The following UNC5D variants were observed in gnomAD, a reference collection of about 807,000 sequenced individuals.
UNC5D encodes the protein unc-5 netrin receptor D, also known as netrin receptor UNC5D.
In UNC5D, 39 loss-of-function variants were observed where a neutral mutation model predicts 105.4. The observed-to-expected ratio is 0.37, with a 90% CI of 0.29 to 0.48. The LOEUF (loss-of-function observed/expected upper bound fraction) is 0.48. Among genes scored for constraint, UNC5D ranks in the 20% least tolerant of loss-of-function variants. The probability of loss-of-function intolerance (pLI) is 0.98; values close to 1 mark genes in which losing one functional copy is unlikely to be tolerated. For missense variants in UNC5D, 991 were observed against 1,202.4 expected, an observed-to-expected ratio of 0.82 and a Z score of 2.60; for synonymous variants, 452 against 450.4, an observed-to-expected ratio of 1.00 and a Z score of -0.04.
intron 1 of UNC5D, among the ~76,000 whole-genome samples, chr8:35,386,638 C>A (rs1803417494): frequency 1.3e-5 from 2 of 152,262 alleles, no homozygotes; most frequent in East Asian, 1.9e-4. Context: ...TGTTTGGGTT[C>A]CCCCACTTAT....
chr8:35,676,394 G>A (rs1459031283), intron 4 of UNC5D, among the ~76,000 whole-genome samples: 1 of 152,126 alleles, frequency 6.6e-6, no homozygotes, highest in African/African-American at 2.4e-5. Flanking sequence ...TTGTTCATCC[G>A]AGGGGTGAAT....
intron 16 of UNC5D, among the ~76,000 whole-genome samples, chr8:35,783,699 G>C (rs1802611625): frequency 6.6e-6 from 1 of 152,100 alleles, no homozygotes; most frequent in Admixed American, 6.6e-5. Flanking sequence ...ATTTGCATTT[G>C]AATACTCAGG....
chr8:35,673,978 G>A (rs1563654017), intron 4 of UNC5D, among the ~76,000 whole-genome samples: 1 of 152,130 alleles, frequency 6.6e-6, no homozygotes, highest in Non-Finnish European at 1.5e-5. Flanking sequence ...GCTTGACTTG[G>A]CATGACCTAT....
chr8:35,756,551 T>TAA (rs560731427), intron 13 of UNC5D, among the ~76,000 whole-genome samples: 5 of 122,984 alleles, frequency 4.1e-5, no homozygotes, highest in African/African-American at 5.9e-5. Flanking sequence ...CATGAGTCTT[T>TAA]AAAAAAAAAA....
At position 35,794,949 on chromosome 8, in the gene UNC5D, A is replaced by C. The variant is rs1389874077; in HGVS notation, c.*4386A>C. On this transcript the variant is annotated 3_prime_UTR_variant, in exon 17 of 17. Transcript: ENST00000404895. The stretch of plus-strand genomic sequence containing the variant: ...ATCTGAAGTAGGAAATTTAACTGAC[A>C]TAGAATAATTGTGGTTTTTGAAGCA... The C allele has an allele frequency of 6.6e-6, 1 of 152,194 alleles. No homozygotes were observed. The highest frequency in any genetic ancestry group is 1.5e-5 in the Non-Finnish European group (1 of 68,042). 9.4% of individuals were successfully genotyped at this position (152,194 alleles called of 1,614,324 possible).
chr8:35,504,318 C>A (rs1812171898), intron 1 of UNC5D, among the ~76,000 whole-genome samples: 1 of 152,164 alleles, frequency 6.6e-6, no homozygotes, highest in South Asian at 2.1e-4. Flanking sequence ...AGCCTCATAG[C>A]TATGTGAGGC....
chr8:35,652,403 A>G lies in UNC5D; in HGVS notation c.571-31144A>G, dbSNP rs187934905. Among the ~76,000 whole-genome samples the G allele has an allele frequency of 2.3e-3, 345 of 152,280 alleles. 3 individuals carry two copies. Among genetic ancestry groups the G allele is most frequent in the African/African-American group, 7.4e-3 (309 of 41,564 alleles). On this transcript the variant is annotated intron_variant, in intron 4 of 16. Transcript: ENST00000404895. ...TTACTTACCATATTACTCATAGAAA[A>G]TGAGGATGTACCTACTCTCATTTCA...
At chr8:35,490,080 T>G (rs959904551) in intron 1 of UNC5D, among the ~76,000 whole-genome samples, 61 of 152,250 alleles carry the variant, frequency 4.0e-4, no homozygotes, top group African/African-American at 1.4e-3. Context: ...TTACGTTTGT[T>G]GTAATATTTT....
At chr8:35,769,041 C>G (rs1801895887) in intron 15 of UNC5D, among the ~76,000 whole-genome samples, 1 of 152,126 alleles carries the variant, frequency 6.6e-6, no homozygotes, top group Non-Finnish European at 1.5e-5. Context: ...GTCTAATTTG[C>G]TCTCATTTTC....
rs1803184520 is a variant in UNC5D, at chr8:35,794,571, T to C, written c.*4008T>C. ...AGCTGAATGACCACCGTTTCCGTAG[T>C]TTCCACTGTTTTGTCTGCATAGAAT... On this transcript the variant is annotated 3_prime_UTR_variant, in exon 17 of 17. Coordinates refer to ENST00000404895, the MANE Select transcript of UNC5D (RefSeq NM_080872.4). 2 of 152,644 alleles carry C rather than the reference T, an allele frequency of 1.3e-5. No individual in the cohort carries two copies. The highest frequency in any genetic ancestry group is 1.9e-4 in the East Asian group (1 of 5,192). The allele number at this position is 152,644 out of a possible 1,614,324, so 9.5% of individuals were successfully genotyped here.
rs1586656535 is a variant in UNC5D, at chr8:35,792,982, TGGCCTGGG to T, written c.*2420_*2427del. 2.2e-6 allele frequency: 1 copy of T among 453,564 alleles called. No homozygotes were observed. The highest frequency in any genetic ancestry group is 1.6e-5 in the South Asian group (1 of 63,512). The allele number at this position is 453,564 out of a possible 1,614,324, so 28.1% of individuals were successfully genotyped here. A position where few individuals can be genotyped will look rare whatever the true frequency, so the allele number is the denominator to read the frequency against. On this transcript the variant is annotated 3_prime_UTR_variant, in exon 17 of 17. Coordinates refer to ENST00000404895, the MANE Select transcript of UNC5D (RefSeq NM_080872.4). The stretch of plus-strand genomic sequence containing the variant: ...ACCTCCCATGGATTTTTTTTTCCTT[TGGCCTGGG>T]TTTTATAAACAACTTGAACATCATA...
At chr8:35,697,146 C>T (rs1458798913) in intron 7 of UNC5D, among the ~76,000 whole-genome samples, 1 of 151,696 alleles carries the variant, frequency 6.6e-6, no homozygotes, top group Non-Finnish European at 1.5e-5. Flanking sequence ...TACATACACA[C>T]ACACACACAC....
At chr8:35,445,098 A>G (rs1050882650) in intron 1 of UNC5D, among the ~76,000 whole-genome samples, 5 of 151,706 alleles carry the variant, frequency 3.3e-5, no homozygotes, top group African/African-American at 1.2e-4. Flanking sequence ...GACCTTATCC[A>G]TTATTCTGTT....
At chr8:35,379,177 C>T (rs528801171) in intron 1 of UNC5D, among the ~76,000 whole-genome samples, 2 of 152,290 alleles carry the variant, frequency 1.3e-5, no homozygotes, top group African/African-American at 4.8e-5. Context: ...CTACTTCCAC[C>T]TGCTCCTTTG....
rs1394866160 is a variant in UNC5D, at chr8:35,595,516, T to G, written c.467-38T>G. The G allele has an allele frequency of 1.9e-6, 3 of 1,600,074 alleles. No individual in the cohort carries two copies. In the East Asian group the frequency reaches 6.7e-5, roughly 36 times the overall value. On this transcript the variant is annotated intron_variant, in intron 3 of 16. Transcript: ENST00000404895. ...GGACCAAATTTGAATAACACTAGAC[T>G]TGAAACAAAGTGTCACCTATCTCAT...
chr8:35,600,430 C>G lies in UNC5D; in HGVS notation c.570+4773C>G, dbSNP rs181427319. 1.8e-3 allele frequency among the ~76,000 whole-genome samples: 269 copies of G among 152,274 alleles called. 1 individual carries two copies. Among genetic ancestry groups the G allele is most frequent in the African/African-American group, 6.1e-3 (252 of 41,556 alleles). ...TTACAGTCTCACCAACAGTGTAAAACTGTTCCTATTTCTCCACATCCTCTC... is the reference window on the plus strand; with the variant it reads ...TTACAGTCTCACCAACAGTGTAAAAGTGTTCCTATTTCTCCACATCCTCTC... On this transcript the variant is annotated intron_variant, in intron 4 of 16. Transcript: ENST00000404895.
At chr8:35,610,503 T>G (rs1197735860) in intron 4 of UNC5D, among the ~76,000 whole-genome samples, 4 of 152,188 alleles carry the variant, frequency 2.6e-5, no homozygotes, top group Admixed American at 6.5e-5. Context: ...GACTGTGGAA[T>G]TTTTGGAGGC....
At chr8:35,261,894 A>G (rs1312805577) in intron 1 of UNC5D, among the ~76,000 whole-genome samples, 3 of 152,208 alleles carry the variant, frequency 2.0e-5, no homozygotes, top group Non-Finnish European at 2.9e-5. Context: ...GAAGCCAGAT[A>G]TATATCTCTA....
chr8:35,461,171 C>G (rs1221688174), intron 1 of UNC5D, among the ~76,000 whole-genome samples: 1 of 152,130 alleles, frequency 6.6e-6, no homozygotes, highest in Non-Finnish European at 1.5e-5. Context: ...CAGAAAGTTA[C>G]AGAGCTCATA....
Sources: allele counts gnomAD v4.1 joint callset (sites outside exome capture counted in the v4.1 genomes callset), GRCh38; gene constraint gnomAD v4.1.1; transcripts MANE v1.5; gene names NCBI Gene and HGNC (gene_info 2026-07-23, HGNC 2026-07-21).